The following TMPRSS2 variants were observed in gnomAD, a reference collection of about 807,000 sequenced individuals.
The protein encoded by TMPRSS2 is transmembrane serine protease 2.
In TMPRSS2, 59 loss-of-function variants were observed where a neutral mutation model predicts 67.4. That is an observed-to-expected ratio of 0.88 (90% confidence interval 0.71 to 1.09). The LOEUF (loss-of-function observed/expected upper bound fraction) is 1.09. Among genes scored for constraint, TMPRSS2 ranks in the 50% least tolerant of loss-of-function variants. TMPRSS2 has a pLI of 0.00. For missense variants in TMPRSS2, 668 were observed against 642.7 expected (o/e 1.04, Z -0.43); for synonymous variants, 257 against 257.0 (o/e 1.00, Z 0.00).
chr21:41,485,011 A>G (rs1444129299), intron 5 of TMPRSS2, among the ~76,000 whole-genome samples: 2 of 152,026 alleles, frequency 1.3e-5, no homozygotes, highest in African/African-American at 4.8e-5. Context: ...TGGAAAGAGA[A>G]GCAACTCAGA....
At chr21:41,479,362 A>G in intron 6 of TMPRSS2, 80 bp from the exon 7 acceptor site, 2 of 1,032,130 alleles carry the variant, frequency 1.9e-6, no homozygotes, top group Non-Finnish European at 2.9e-6. Context: ...AATACCGCTC[A>G]TACGACATTC....
intron 3 of TMPRSS2, among the ~76,000 whole-genome samples, chr21:41,491,151 ATTTTTTTTT>A (rs35598191): frequency 2.8e-5 from 3 of 106,588 alleles, no homozygotes; most frequent in African/African-American, 6.9e-5. Flanking sequence ...TCTGCATTGC[ATTTTTTTTT>A]TTTTTTTTTT....
intron 7 of TMPRSS2, among the ~76,000 whole-genome samples, chr21:41,476,992 G>A (rs772287507): frequency 6.6e-6 from 1 of 152,116 alleles, no homozygotes; most frequent in Non-Finnish European, 1.5e-5. Flanking sequence ...AAACCTCTGG[G>A]CTCCTATAAC....
chr21:41,499,185 C>A (rs2091406771), intron 1 of TMPRSS2, among the ~76,000 whole-genome samples: 1 of 152,192 alleles, frequency 6.6e-6, no homozygotes, highest in African/African-American at 2.4e-5. Flanking sequence ...CAGAGCCAAC[C>A]ATTTTGACCA....
chr21:41,502,182 C>A (rs1212592074), intron 1 of TMPRSS2, among the ~76,000 whole-genome samples: 2 of 152,214 alleles, frequency 1.3e-5, no homozygotes, highest in Non-Finnish European at 2.9e-5. Context: ...TATCCGCATC[C>A]CATGACATGA....
chr21:41,499,991 C>T (rs1269808275), intron 1 of TMPRSS2, among the ~76,000 whole-genome samples: 2 of 152,188 alleles, frequency 1.3e-5, no homozygotes, highest in Non-Finnish European at 2.9e-5. Context: ...CTGGCCAGAC[C>T]AGTGTCCACT....
chr21:41,499,964 G>A (rs1488205796), intron 1 of TMPRSS2, among the ~76,000 whole-genome samples: 1 of 152,204 alleles, frequency 6.6e-6, no homozygotes, highest in Non-Finnish European at 1.5e-5. Context: ...ACCTGGAGGA[G>A]GCTCTGGGCT....
intron 12 of TMPRSS2, 57 bp from the exon 13 acceptor site, chr21:41,467,943 C>T: frequency 6.2e-7 from 1 of 1,605,612 alleles, no homozygotes; most frequent in Non-Finnish European, 8.5e-7. Context: ...CTGCCGCACA[C>T]CACTGACCAG....
At chr21:41,487,495 T>C (rs1190219160) in intron 5 of TMPRSS2, 1 of 152,224 alleles carries the variant, frequency 6.6e-6, no homozygotes, top group Non-Finnish European at 1.5e-5. Context: ...CTGCAGTTAA[T>C]AAACTATATG....
chr21:41,493,078 A>G (rs2091351022), intron 3 of TMPRSS2, among the ~76,000 whole-genome samples: 1 of 151,448 alleles, frequency 6.6e-6, no homozygotes, highest in Admixed American at 6.6e-5. Flanking sequence ...TAGGAGCAGC[A>G]CCCCCTCCCC....
chr21:41,468,657 A>C, intron 11 of TMPRSS2, 119 bp from the exon 12 acceptor site: 1 of 1,180,136 alleles, frequency 8.5e-7, no homozygotes, highest in Non-Finnish European at 1.2e-6. Flanking sequence ...CCTATTTTCC[A>C]GCCCTGCCCC....
chr21:41,495,947 T>A (rs559771004), intron 2 of TMPRSS2, among the ~76,000 whole-genome samples: 1 of 152,226 alleles, frequency 6.6e-6, no homozygotes, highest in Non-Finnish European at 1.5e-5. Context: ...ACATTGGGAT[T>A]TAGTAAAATA....
chr21:41,471,104 C>A (rs372665499), intron 10 of TMPRSS2, among the ~76,000 whole-genome samples: 1 of 152,212 alleles, frequency 6.6e-6, no homozygotes, highest in Non-Finnish European at 1.5e-5. Flanking sequence ...AGAGGCACCA[C>A]GCCATTGCTC....
intron 3 of TMPRSS2, among the ~76,000 whole-genome samples, chr21:41,491,569 G>A (rs1406920363): frequency 6.6e-6 from 1 of 152,166 alleles, no homozygotes; most frequent in Non-Finnish European, 1.5e-5. Flanking sequence ...GGCAAGCTGG[G>A]GCCAAGGTAG....
intron 2 of TMPRSS2, among the ~76,000 whole-genome samples, chr21:41,495,499 C>T (rs2091374598): frequency 6.6e-6 from 1 of 151,894 alleles, no homozygotes; most frequent in East Asian, 1.9e-4. Context: ...GTGGTGCACG[C>T]CTATAGTTCC....
chr21:41,488,299 C>T (rs571805265), intron 5 of TMPRSS2, 95 bp downstream of exon 5: 7 of 1,433,716 alleles, frequency 4.9e-6, no homozygotes, highest in South Asian at 3.7e-5. Context: ...GCGTACTGGA[C>T]GCACGCCAGG....
At position 41,473,493 on chromosome 21, in the gene TMPRSS2, C is replaced by T. The variant is rs762050506; in HGVS notation, c.731G>A (p.Cys244Tyr). 2 of 1,606,512 alleles carry T rather than the reference C, an allele frequency of 1.2e-6. No homozygotes were observed. The highest frequency in any genetic ancestry group is 1.7e-6 in the Non-Finnish European group (2 of 1,176,614). Residue 244 changes from cysteine to tyrosine, a missense_variant, in exon 9 of 14, where the codon TGC (cysteine) becomes TAC (tyrosine). Cys to Tyr is a radical substitution (Grantham distance 194). Coordinates refer to ENST00000332149, the MANE Select transcript of TMPRSS2 (RefSeq NM_005656.4). ...GCGGCTTGAGTTCAAGTTGACCCCG[C>T]AGGCTGAGGATGACAAACAGGAGGC... Reference protein sequence around the residue: ...KAVVSLRCIACGVNLNSSRQS... With the variant: ...KAVVSLRCIAYGVNLNSSRQS...
chr21:41,481,024 A>G (rs2146453365), intron 5 of TMPRSS2, among the ~76,000 whole-genome samples: 1 of 152,292 alleles, frequency 6.6e-6, no homozygotes, highest in South Asian at 2.1e-4. Flanking sequence ...ACTCTTCTCA[A>G]GGCACTGACC....
intron 8 of TMPRSS2, 79 bp downstream of exon 8, chr21:41,476,498 G>T: frequency 6.9e-7 from 1 of 1,444,314 alleles, no homozygotes; most frequent in Non-Finnish European, 9.7e-7. Flanking sequence ...CGCCCCCAGA[G>T]ACACAGGGAG....
Sources: allele counts gnomAD v4.1 joint callset (sites outside exome capture counted in the v4.1 genomes callset), GRCh38; gene constraint gnomAD v4.1.1; transcripts MANE v1.5; gene names NCBI Gene and HGNC (gene_info 2026-07-23, HGNC 2026-07-21).